The following TRIP12 variants were observed in gnomAD, a reference collection of about 807,000 sequenced individuals.
TRIP12 encodes thyroid hormone receptor interactor 12.
TRIP12 carries 25 observed loss-of-function variants against 244.2 expected under a neutral mutation model. The observed-to-expected ratio is 0.10, with a 90% CI of 0.07 to 0.14. The LOEUF is 0.14. Ranked by LOEUF, TRIP12 falls within the 10% of genes least tolerant of loss-of-function variation. TRIP12 has a pLI of 1.00. For missense variants in TRIP12, 1,677 were observed against 2,486.4 expected, an observed-to-expected ratio of 0.67 and a Z score of 6.92; for synonymous variants, 905 against 873.1, an observed-to-expected ratio of 1.04 and a Z score of -0.64.
chr2:229,802,608 CAG>C (rs2044675456), intron 20 of TRIP12, 149 bp from the exon 21 acceptor site: 1 of 513,324 alleles, frequency 1.9e-6, no homozygotes, highest in East Asian at 3.3e-5. Flanking sequence ...AATTAGGAGC[CAG>C]AGTTTTCAAC....
At chr2:229,893,541 G>C (rs2067934035) in intron 1 of TRIP12, among the ~76,000 whole-genome samples, 1 of 151,256 alleles carries the variant, frequency 6.6e-6, no homozygotes, top group Non-Finnish European at 1.5e-5. Flanking sequence ...TTTTATGTAA[G>C]TGGAAACATA....
intron 1 of TRIP12, among the ~76,000 whole-genome samples, chr2:229,914,659 T>A (rs1398735362): frequency 6.6e-6 from 1 of 152,156 alleles, no homozygotes; most frequent in East Asian, 1.9e-4. Flanking sequence ...ACAAGGTACA[T>A]CTATTTATTC....
intron 1 of TRIP12, among the ~76,000 whole-genome samples, chr2:229,894,875 G>A (rs2068366569): frequency 6.6e-6 from 1 of 152,182 alleles, no homozygotes; most frequent in African/African-American, 2.4e-5. Context: ...TTCTCTGCCA[G>A]TCTGAGAACC....
chr2:229,797,535 G>A (rs2043123194), intron 24 of TRIP12, among the ~76,000 whole-genome samples, 155 bp downstream of exon 24: 1 of 152,176 alleles, frequency 6.6e-6, no homozygotes, highest in Non-Finnish European at 1.5e-5. Context: ...CAAGGGATAA[G>A]TAAAAGAAAT....
chr2:229,835,888 C>T (rs1219959885), intron 6 of TRIP12, among the ~76,000 whole-genome samples: 1 of 152,082 alleles, frequency 6.6e-6, no homozygotes, highest in Non-Finnish European at 1.5e-5. Flanking sequence ...CAAATATCTA[C>T]CATTTAAACC....
At chr2:229,799,784 A>T (rs2043802007) in intron 21 of TRIP12, among the ~76,000 whole-genome samples, 2 of 152,170 alleles carry the variant, frequency 1.3e-5, no homozygotes, top group African/African-American at 4.8e-5. Context: ...AAAAAAAAAA[A>T]AATACTGTCA....
intron 1 of TRIP12, among the ~76,000 whole-genome samples, chr2:229,884,460 C>T (rs1317037272): frequency 6.6e-6 from 1 of 151,972 alleles, no homozygotes; most frequent in Non-Finnish European, 1.5e-5. Context: ...TGGTCTTGAA[C>T]TCATGACCTC....
Position 229,769,308 on chromosome 2 carries a change from A to G in TRIP12, c.5826T>C (p.Cys1942=), listed in dbSNP as rs1428117234. ...FYPEELDQLL[C]GSKADTWDAK... ...CATCCCAAGTGTCTGCTTTACTGCCACAAAGGAGCTGATCCAGCTGTGAGT... is the reference window on the plus strand; with the variant it reads ...CATCCCAAGTGTCTGCTTTACTGCCGCAAAGGAGCTGATCCAGCTGTGAGT... Residue 1942 remains cysteine, a synonymous_variant, in exon 40 of 42, where the codon TGT becomes TGC. Coordinates refer to ENST00000675903, the MANE Select transcript of TRIP12 (RefSeq NM_001348323.3). 1.2e-6 allele frequency: 2 copies of G among 1,614,098 alleles called. No homozygotes were observed. Among genetic ancestry groups the G allele is most frequent in the African/African-American group, 2.7e-5 (2 of 75,048 alleles).
chr2:229,803,377 G>C (rs2044976407), intron 20 of TRIP12, among the ~76,000 whole-genome samples, 194 bp downstream of exon 20: 1 of 152,204 alleles, frequency 6.6e-6, no homozygotes, highest in East Asian at 1.9e-4. Context: ...GCCTCCCAAA[G>C]TGCTGGGGTT....
At chr2:229,809,818 A>T (rs564086451) in intron 15 of TRIP12, among the ~76,000 whole-genome samples, 3 of 152,336 alleles carry the variant, frequency 2.0e-5, no homozygotes, top group East Asian at 3.9e-4. Flanking sequence ...GTTCTGTGCC[A>T]ATGTGTTAAT....
chr2:229,804,720 C>T (rs1030093241), intron 18 of TRIP12, among the ~76,000 whole-genome samples: 21 of 152,142 alleles, frequency 1.4e-4, no homozygotes, highest in Non-Finnish European at 2.8e-4. Context: ...AAAGTACGGT[C>T]TGTAAGCCGA....
chr2:229,840,697 C>G (rs1007454030), intron 5 of TRIP12, 125 bp downstream of exon 5: 1 of 731,220 alleles, frequency 1.4e-6, no homozygotes, highest in Admixed American at 3.3e-5. Flanking sequence ...AGCAAGACTC[C>G]GTCAAAAAAC....
intron 5 of TRIP12, among the ~76,000 whole-genome samples, chr2:229,838,787 G>C (rs1195870036): frequency 6.6e-6 from 1 of 152,134 alleles, no homozygotes; most frequent in Non-Finnish European, 1.5e-5. Context: ...AAGCAAACAG[G>C]TGTACTAAAT....
chr2:229,791,761 C>A, intron 29 of TRIP12, 105 bp downstream of exon 29: 3 of 1,192,114 alleles, frequency 2.5e-6, no homozygotes, highest in South Asian at 1.5e-5. Flanking sequence ...TGATTTAGGG[C>A]CCCCTATCCT....
Position 229,915,529 on chromosome 2 carries a change from CTG to C in TRIP12, c.-50+6349_-50+6350del, listed in dbSNP as rs1203515113. ...TTATTTTATTTTCACAAGACTTATT[CTG>C]TCAACAAACGCTTAATCCCTATCAT... On this transcript the variant is annotated intron_variant, in intron 1 of 41. Coordinates refer to ENST00000675903, the MANE Select transcript of TRIP12 (RefSeq NM_001348323.3). Among the ~76,000 whole-genome samples the C allele has an allele frequency of 6.0e-3, 917 of 152,164 alleles. 6 individuals carry two copies. Among genetic ancestry groups the C allele is most frequent in the African/African-American group, 0.021 (862 of 41,512 alleles).
chr2:229,819,425 G>C (rs2049403936), intron 8 of TRIP12, among the ~76,000 whole-genome samples: 1 of 152,136 alleles, frequency 6.6e-6, no homozygotes, highest in Admixed American at 6.5e-5. Flanking sequence ...TGCACCTGTA[G>C]TCCCAGATAC....
intron 1 of TRIP12, among the ~76,000 whole-genome samples, chr2:229,918,115 T>C (rs1372718801): frequency 4.6e-5 from 7 of 152,206 alleles, no homozygotes; most frequent in Admixed American, 3.9e-4. Context: ...GCAAGTACAG[T>C]TAATCAGAAA....
intron 4 of TRIP12, among the ~76,000 whole-genome samples, chr2:229,844,065 T>G (rs375847555): frequency 6.6e-6 from 1 of 152,188 alleles, no homozygotes. Flanking sequence ...ACTGTATGTA[T>G]CCAGTTGCAA....
chr2:229,781,030 A>AT (rs1453836760), intron 34 of TRIP12, among the ~76,000 whole-genome samples: 2 of 152,196 alleles, frequency 1.3e-5, no homozygotes, highest in African/African-American at 4.8e-5. Context: ...AAATTAGTCT[A>AT]TTTCCTTCAT....
Sources: allele counts gnomAD v4.1 joint callset (sites outside exome capture counted in the v4.1 genomes callset), GRCh38; gene constraint gnomAD v4.1.1; transcripts MANE v1.5; gene names NCBI Gene and HGNC (gene_info 2026-07-23, HGNC 2026-07-21).